The following DOT1L variants were observed in gnomAD, a reference collection of about 807,000 sequenced individuals.
DOT1L encodes DOT1 like histone lysine methyltransferase, also known as histone-lysine N-methyltransferase, H3 lysine-79 specific.
In DOT1L, 33 loss-of-function variants were observed where a neutral mutation model predicts 153.3. That is an observed-to-expected ratio of 0.22 (90% CI 0.16 to 0.29). The LOEUF (loss-of-function observed/expected upper bound fraction) is 0.29. Among genes scored for constraint, DOT1L ranks in the 10% least tolerant of loss-of-function variants. DOT1L has a pLI of 1.00. For synonymous variants in DOT1L, 1,135 were observed against 965.1 expected (o/e 1.18, Z -3.26); for missense variants, 1,847 against 2,119.9 (o/e 0.87, Z 2.53).
intron 2 of DOT1L, among the ~76,000 whole-genome samples, chr19:2,184,910 A>T (rs986765342): frequency 9.2e-5 from 14 of 151,860 alleles, no homozygotes; most frequent in African/African-American, 3.4e-4. Context: ...TTGGTCAGGG[A>T]TGTTGGTCAG....
Position 2,214,574 on chromosome 19 carries a change from A to G in DOT1L, c.1901A>G (p.Gln634Arg). ...QALKSQISEK[Q>R]RHCLELQISI... is the part of the protein sequence containing the mutation. Reference sequence around the variant, plus strand: ...CTGAAGAGCCAGATCTCGGAGAAGCAGAGGCACTGCCTGGAGCTGCAGGTG... The same window carrying G: ...CTGAAGAGCCAGATCTCGGAGAAGCGGAGGCACTGCCTGGAGCTGCAGGTG... Residue 634 changes from glutamine (Q) to arginine (R), a missense_variant, in exon 19 of 28, where the codon CAG (glutamine) becomes CGG (arginine). Physicochemically the swap from Gln to Arg is conservative, Grantham distance 43. This residue lies in a region of DOT1L where 156 missense variants were observed against 235.7 expected (regional missense o/e 0.66). Coordinates refer to ENST00000398665, the MANE Select transcript of DOT1L (RefSeq NM_032482.3). 6.2e-7 allele frequency: 1 copy of G among 1,613,038 alleles called. No individual in the cohort carries two copies. Among genetic ancestry groups the G allele is most frequent in the Non-Finnish European group, 8.5e-7 (1 of 1,179,846 alleles).
chr19:2,230,800 C>T lies in DOT1L; in HGVS notation c.*1008C>T, dbSNP rs1452906936. 2.6e-5 allele frequency: 10 copies of T among 384,000 alleles called. No homozygotes were observed. Among genetic ancestry groups the T allele is most frequent in the Middle Eastern group, 6.4e-4 (1 of 1,556 alleles). 23.8% of individuals were successfully genotyped at this position (384,000 alleles called of 1,614,324 possible). On this transcript the variant is annotated 3_prime_UTR_variant, in exon 28 of 28. Transcript: ENST00000398665. ...CACAAAATGGCCCCAGCGTCAGCCC[C>T]GACCCTAGACCCCTCAGTTGCAGCT...
intron 2 of DOT1L, among the ~76,000 whole-genome samples, chr19:2,184,259 TC>T (rs2022390689): frequency 6.6e-6 from 1 of 151,820 alleles, no homozygotes; most frequent in African/African-American, 2.4e-5. Context: ...CATTGTGAGG[TC>T]CCCTGCCGGT....
intron 26 of DOT1L, 33 bp from the exon 27 acceptor site, chr19:2,226,150 G>T: frequency 6.7e-7 from 1 of 1,500,202 alleles, no homozygotes; most frequent in Non-Finnish European, 8.9e-7. Flanking sequence ...CAGGTGCTCT[G>T]GGCTCACGGC....
At chr19:2,171,453 C>T (rs2021615737) in intron 1 of DOT1L, among the ~76,000 whole-genome samples, 1 of 152,144 alleles carries the variant, frequency 6.6e-6, no homozygotes, top group African/African-American at 2.4e-5. Flanking sequence ...CCAGGGGACA[C>T]CTGGTGGCGT....
intron 22 of DOT1L, among the ~76,000 whole-genome samples, chr19:2,219,199 G>A (rs886980161): frequency 6.6e-6 from 1 of 152,184 alleles, no homozygotes; most frequent in Non-Finnish European, 1.5e-5. Context: ...TAGAGGTGGA[G>A]GTTTTGCCCT....
intron 25 of DOT1L, among the ~76,000 whole-genome samples, chr19:2,224,697 G>C (rs2024258174): frequency 6.6e-6 from 1 of 152,114 alleles, no homozygotes; most frequent in South Asian, 2.1e-4. Flanking sequence ...CAAACTCCTG[G>C]CCTCAAGCCT....
intron 25 of DOT1L, among the ~76,000 whole-genome samples, chr19:2,224,080 C>A (rs2024231084): frequency 6.6e-6 from 1 of 152,318 alleles, no homozygotes; most frequent in South Asian, 2.1e-4. Context: ...AGGATGTGGC[C>A]TTTTGTGTCT....
chr19:2,166,647 G>A (rs1599521228), intron 1 of DOT1L, among the ~76,000 whole-genome samples: 1 of 152,096 alleles, frequency 6.6e-6, no homozygotes, highest in East Asian at 1.9e-4. Flanking sequence ...CTAACCTCAG[G>A]TGATCCGCCT....
At chr19:2,218,034 C>G (rs1421437323) in intron 22 of DOT1L, 116 bp downstream of exon 22, 1 of 1,423,036 alleles carries the variant, frequency 7.0e-7, no homozygotes. Flanking sequence ...GAGCGTGAGG[C>G]AATGCAGTCA....
At chr19:2,211,323 C>T in intron 15 of DOT1L, 111 bp downstream of exon 15, 1 of 983,974 alleles carries the variant, frequency 1.0e-6, no homozygotes, top group Non-Finnish European at 1.5e-6. Context: ...CCATGCTGGA[C>T]CCCACTGAAG....
chr19:2,230,515 G>C lies in DOT1L; in HGVS notation c.*723G>C, dbSNP rs994548445. The C allele has an allele frequency of 7.5e-6, 3 of 398,666 alleles. No homozygotes were observed. The highest frequency in any genetic ancestry group is 4.4e-5 in the Admixed American group (1 of 22,732). The allele number at this position is 398,666 out of a possible 1,614,324, so 24.7% of individuals were successfully genotyped here. ...GGTGCTGTGAGGACGGCGCGGGCAC[G>C]TTGAACAAGTGCATTTACTTTTGTA... On this transcript the variant is annotated 3_prime_UTR_variant, in exon 28 of 28. Transcript: ENST00000398665.
rs1224089177 is a variant in DOT1L at position 2,216,759 on chromosome 19, A to T, written c.2402A>T (p.His801Leu). ...VPGRPAASEL[H>L]SRAEHTKENG... ...GGCAGGCCGGCTGCCAGTGAGCTGC[A>T]TTCGAGGTGAGTGCCCTGGTGGGGC... is the stretch of plus-strand genomic sequence containing the variant. Residue 801 changes from histidine (H) to leucine (L), a missense_variant, in exon 20 of 28, where the codon CAT becomes CTT. Transcript: ENST00000398665. The T allele has an allele frequency of 5.0e-6, 8 of 1,589,310 alleles. No individual in the cohort carries two copies. The highest frequency in any genetic ancestry group is 6.8e-6 in the Non-Finnish European group (8 of 1,172,084).
At chr19:2,187,890 C>T (rs1261161853) in intron 3 of DOT1L, among the ~76,000 whole-genome samples, 1 of 150,764 alleles carries the variant, frequency 6.6e-6, no homozygotes, top group Admixed American at 6.6e-5. Context: ...CCACCGCACT[C>T]CAGCCTGGGT....
intron 22 of DOT1L, among the ~76,000 whole-genome samples, chr19:2,218,821 C>G (rs1034179165): frequency 1.3e-5 from 2 of 152,124 alleles, no homozygotes; most frequent in Non-Finnish European, 2.9e-5. Context: ...CTCAGCCTCC[C>G]GAGTAGCTGG....
At position 2,211,876 on chromosome 19, in the gene DOT1L, C is replaced by T. The variant is rs557975024; in HGVS notation, c.1557+34C>T. On this transcript the variant is annotated intron_variant, in intron 16 of 27. Transcript: ENST00000398665. ...TGGCCCCCTTGGCATTCCGCCTTCC[C>T]GCACAGAGGCAGTTCGTTCCTGTTC... 1.0e-5 allele frequency: 16 copies of T among 1,532,668 alleles called. No homozygotes were observed. The East Asian group carries it at 1.5e-4, about 14-fold the overall frequency. 94.9% of individuals were successfully genotyped at this position (1,532,668 alleles called of 1,614,324 possible). A position where few individuals can be genotyped will look rare whatever the true frequency, so the allele number is the denominator to read the frequency against.
chr19:2,183,288 A>G (rs772214650), intron 2 of DOT1L, among the ~76,000 whole-genome samples: 11 of 152,172 alleles, frequency 7.2e-5, no homozygotes, highest in Non-Finnish European at 1.3e-4. Context: ...CTCCTGCCTC[A>G]GCCTCCCGAG....
Position 2,177,406 on chromosome 19 carries a change from CCT to C in DOT1L, c.82-3301_82-3300del, listed in dbSNP as rs560946032. 3.9e-5 allele frequency among the ~76,000 whole-genome samples: 6 copies of C among 152,252 alleles called. 1 individual carries two copies. The South Asian group carries it at 1.2e-3, about 32-fold the overall frequency. On this transcript the variant is annotated intron_variant, in intron 1 of 27. Transcript: ENST00000398665. ...CTGCCTCCCGGGTTCAAGCAAGTCT[CCT>C]CTCTCAGCCTCCCTAGTAGCTGGAA...
At chr19:2,167,592 G>T (rs973673838) in intron 1 of DOT1L, among the ~76,000 whole-genome samples, 1 of 152,240 alleles carries the variant, frequency 6.6e-6, no homozygotes, top group Non-Finnish European at 1.5e-5. Flanking sequence ...GCCCACTGCC[G>T]GGCCCAGCAT....
Sources: allele counts gnomAD v4.1 joint callset (sites outside exome capture counted in the v4.1 genomes callset), GRCh38; gene constraint gnomAD v4.1.1; regional missense constraint gnomAD v4.1.1; transcripts MANE v1.5; gene names NCBI Gene and HGNC (gene_info 2026-07-23, HGNC 2026-07-21).